The following TTLL7 variants were observed in gnomAD, a reference collection of about 807,000 sequenced individuals.
TTLL7 encodes tubulin tyrosine ligase like 7.
TTLL7 carries 53 observed loss-of-function variants against 120.2 expected under a neutral mutation model. The ratio of observed to expected loss-of-function variants is 0.44; its 90% CI spans 0.35 to 0.55. TTLL7 has a LOEUF of 0.55. TTLL7 is among the 20% of genes least tolerant of loss of function. The pLI is 0.00. For synonymous variants in TTLL7, 353 were observed against 351.7 expected (o/e 1.00, Z -0.04); for missense variants, 803 against 1,054.7 (o/e 0.76, Z 3.31).
Position 83,929,151 on chromosome 1 carries a change from T to C in TTLL7, c.1127A>G (p.Lys376Arg). 6.2e-7 allele frequency: 1 copy of C among 1,611,310 alleles called. No individual in the cohort carries two copies. The highest frequency in any genetic ancestry group is 1.3e-5 in the African/African-American group (1 of 74,926). Residue 376 changes from lysine (K) to arginine (R), a missense_variant, in exon 10 of 21, where the codon AAG becomes AGG. Lys to Arg is a conservative substitution (Grantham distance 26, BLOSUM62 2). Around this residue, in one of 3 missense-constraint regions of TTLL7, gnomAD observed 324 missense variants for 507.7 expected, o/e 0.64. Transcript: ENST00000260505. Reference protein sequence around the residue: ...VKRGVLLNALKLLNIRTSDKR... With the variant: ...VKRGVLLNALRLLNIRTSDKR... ...AGTATTTTACCTTATGTTTAGTAGC[T>C]TCAACGCATTTAGCAGCACTCCCCT...
At chr1:83,979,345 T>C (rs113283115) in intron 1 of TTLL7, 4 of 152,120 alleles carry the variant, frequency 2.6e-5, no homozygotes, top group African/African-American at 9.7e-5. Flanking sequence ...ACAGGACCAG[T>C]TGAGTCAGGA....
chr1:83,938,977 A>G (rs540396451), intron 7 of TTLL7, among the ~76,000 whole-genome samples: 2 of 152,278 alleles, frequency 1.3e-5, no homozygotes, highest in African/African-American at 4.8e-5. Context: ...AAATTTTTGA[A>G]GCAAGAAGGC....
chr1:83,934,266 A>C (rs1436430470), intron 8 of TTLL7, among the ~76,000 whole-genome samples: 1 of 152,220 alleles, frequency 6.6e-6, no homozygotes, highest in Non-Finnish European at 1.5e-5. Flanking sequence ...CTACTTTGTA[A>C]ACAAGTAAAA....
intron 10 of TTLL7, among the ~76,000 whole-genome samples, chr1:83,928,100 CAGAT>C (rs1659288339): frequency 6.6e-6 from 1 of 152,168 alleles, no homozygotes; most frequent in Non-Finnish European, 1.5e-5. Context: ...AGAACACCCA[CAGAT>C]AATGTCCTGA....
chr1:83,944,742 T>C (rs1034270580), intron 6 of TTLL7, among the ~76,000 whole-genome samples: 2 of 152,170 alleles, frequency 1.3e-5, no homozygotes, highest in African/African-American at 2.4e-5. Context: ...TCTCTTACTG[T>C]AGTTTCAGTT....
intron 18 of TTLL7, among the ~76,000 whole-genome samples, chr1:83,891,732 T>C (rs1170555953): frequency 1.3e-5 from 2 of 152,098 alleles, no homozygotes; most frequent in African/African-American, 2.4e-5. Context: ...GCAGTATTAA[T>C]ACAGTAGTCA....
chr1:83,997,583 G>T (rs901955683), intron 1 of TTLL7, among the ~76,000 whole-genome samples: 6 of 152,148 alleles, frequency 3.9e-5, no homozygotes, highest in Admixed American at 3.9e-4. Context: ...AACCTTCTCT[G>T]AATTTTGTTC....
chr1:83,984,906 T>G lies in TTLL7; in HGVS notation c.-177+14025A>C, dbSNP rs534675502. On this transcript the variant is annotated intron_variant, in intron 1 of 20. Transcript: ENST00000260505. Reference sequence around the variant, plus strand: ...TATACCCAGGTAACAAAACTGCATATGTACCCCTTGTATCCAAAATAAAAT... The same window carrying G: ...TATACCCAGGTAACAAAACTGCATAGGTACCCCTTGTATCCAAAATAAAAT... Among the ~76,000 whole-genome samples the G allele has an allele frequency of 1.3e-4, 20 of 152,272 alleles. 1 individual carries two copies. The South Asian group carries it at 4.1e-3, about 32-fold the overall frequency.
At chr1:83,944,302 A>G (rs1648263042) in intron 6 of TTLL7, among the ~76,000 whole-genome samples, 1 of 152,222 alleles carries the variant, frequency 6.6e-6, no homozygotes. Context: ...ACATCCAAGA[A>G]GCTCAATTAC....
At chr1:83,986,476 C>G (rs182760090) in intron 1 of TTLL7, among the ~76,000 whole-genome samples, 1 of 152,200 alleles carries the variant, frequency 6.6e-6, no homozygotes, top group East Asian at 1.9e-4. Flanking sequence ...TTCTTGACCC[C>G]GTAAAGAGCA....
intron 1 of TTLL7, among the ~76,000 whole-genome samples, chr1:83,976,061 G>GTC (rs1651453250): frequency 6.6e-6 from 1 of 150,772 alleles, no homozygotes; most frequent in South Asian, 2.1e-4. Flanking sequence ...GTGTGTGTGT[G>GTC]TGTGTGTGTG....
intron 20 of TTLL7, 62 bp downstream of exon 20, chr1:83,882,899 TCA>T: frequency 1.9e-6 from 3 of 1,551,046 alleles, no homozygotes. Flanking sequence ...ACTGTCAATT[TCA>T]AACTGTGTTT....
intron 8 of TTLL7, among the ~76,000 whole-genome samples, 171 bp from the exon 9 acceptor site, chr1:83,933,937 C>T (rs1008081554): frequency 2.0e-5 from 3 of 152,202 alleles, no homozygotes; most frequent in African/African-American, 7.2e-5. Context: ...GCCCACTGCA[C>T]TCCTCACACT....
chr1:83,890,626 C>T (rs72722890), intron 18 of TTLL7, 145 bp from the exon 19 acceptor site: 15,415 of 575,196 alleles, frequency 0.027, 288 homozygotes, highest in Non-Finnish European at 0.033. Flanking sequence ...AAAAATTAGC[C>T]TGGCATTATG....
intron 13 of TTLL7, among the ~76,000 whole-genome samples, chr1:83,919,251 CAGATT>C (rs1482803464): frequency 2.2e-5 from 3 of 134,994 alleles, no homozygotes; most frequent in East Asian, 2.4e-4. Flanking sequence ...CTATGGTGTA[CAGATT>C]AGAGTGTGTG....
chr1:83,965,100 C>T (rs1399465951), intron 1 of TTLL7, among the ~76,000 whole-genome samples: 2 of 99,282 alleles, frequency 2.0e-5, no homozygotes, highest in Non-Finnish European at 4.0e-5. Flanking sequence ...TCATCAATCT[C>T]TCCCCAGTCA....
chr1:83,892,573 TATGAACATATAA>T (rs1345308126), intron 18 of TTLL7, among the ~76,000 whole-genome samples: 8 of 138,564 alleles, frequency 5.8e-5, no homozygotes, highest in African/African-American at 1.7e-4. Flanking sequence ...TGAACATATA[TATGAACATATAA>T]ATGAACATAT....
At position 83,865,598 on chromosome 1, in the gene TTLL7, T is replaced by C. The variant is rs1254807920; in HGVS notation, c.*4364A>G. 1 of 151,998 alleles carries C rather than the reference T, an allele frequency of 6.6e-6. No homozygotes were observed. Among genetic ancestry groups the C allele is most frequent in the East Asian group, 1.9e-4 (1 of 5,202 alleles). The allele number at this position is 151,998 out of a possible 1,614,324, so 9.4% of individuals were successfully genotyped here. On this transcript the variant is annotated 3_prime_UTR_variant, in exon 21 of 21. Coordinates refer to ENST00000260505, the MANE Select transcript of TTLL7 (RefSeq NM_024686.6). ...TGTGCAGTAAATTTTAATATACCAATTTTGGTTGCAAGACTTATTTGTAGC... is the reference window on the plus strand; with the variant it reads ...TGTGCAGTAAATTTTAATATACCAACTTTGGTTGCAAGACTTATTTGTAGC...
rs904592761 is a variant in TTLL7 at position 83,942,763 on chromosome 1, T to C, written c.507-84A>G. On this transcript the variant is annotated intron_variant, in intron 6 of 20. Coordinates refer to ENST00000260505, the MANE Select transcript of TTLL7 (RefSeq NM_024686.6). ...GTTATAGATATACTCAAATGGAAAA[T>C]AGTGGAGTAAGGGACTCCAAAAGTC... 55 of 988,818 alleles carry C rather than the reference T, an allele frequency of 5.6e-5. No individual in the cohort carries two copies. In the African/African-American group the frequency reaches 8.7e-4, roughly 16 times the overall value. The allele number at this position is 988,818 out of a possible 1,614,324, so 61.3% of individuals were successfully genotyped here. A position where few individuals can be genotyped will look rare whatever the true frequency, so the allele number is the denominator to read the frequency against.
Sources: gnomAD v4.1 joint callset for allele counts (sites outside exome capture counted in the v4.1 genomes callset) on GRCh38, gnomAD v4.1.1 for gene constraint, gnomAD v4.1.1 regional missense constraint, MANE v1.5 for transcripts, NCBI Gene and HGNC (gene_info 2026-07-23, HGNC 2026-07-21) for gene names.